The following SLC2A7 variants were observed in gnomAD, a reference collection of about 807,000 sequenced individuals.
The protein encoded by SLC2A7 is solute carrier family 2 member 7.
SLC2A7 carries 50 observed loss-of-function variants against 50.5 expected under a neutral mutation model. The ratio of observed to expected loss-of-function variants is 0.99; its 90% CI spans 0.79 to 1.25. The LOEUF is 1.25. Among genes scored for constraint, SLC2A7 ranks in the 50% most tolerant of loss-of-function variants. The probability of loss-of-function intolerance (pLI) is 0.00; values close to 1 mark genes in which losing one functional copy is unlikely to be tolerated. For missense variants in SLC2A7, 683 were observed against 679.1 expected (o/e 1.01, Z -0.06); for synonymous variants, 308 against 300.4 (o/e 1.03, Z -0.26).
At chr1:8,995,959 G>T in the SLC2A7 span, among the ~76,000 whole-genome samples, 61 of 152,186 alleles carry the variant, frequency 4.0e-4, no homozygotes, top group African/African-American at 1.4e-3. Flanking sequence ...GCAGAGACAA[G>T]GTCTCAACAT....
At chr1:8,994,388 G>A in the SLC2A7 span, among the ~76,000 whole-genome samples, 2 of 152,282 alleles carry the variant, frequency 1.3e-5, no homozygotes, top group South Asian at 4.1e-4. Context: ...AAACAATCTC[G>A]TATCTATGAG....
chr1:8,997,547 C>T, the SLC2A7 span, among the ~76,000 whole-genome samples: 1 of 151,970 alleles, frequency 6.6e-6, no homozygotes, highest in Non-Finnish European at 1.5e-5. Context: ...ATCATAGGTG[C>T]CCACCACCAA....
intron 1 of SLC2A7, 107 bp from the exon 2 acceptor site, chr1:9,025,181 G>T (rs1640978457): frequency 8.5e-7 from 1 of 1,170,294 alleles, no homozygotes; most frequent in South Asian, 1.3e-5. Flanking sequence ...GGGGGATGGG[G>T]GATCCCAGGC....
At chr1:8,997,097 T>C in the SLC2A7 span, among the ~76,000 whole-genome samples, 1 of 152,060 alleles carries the variant, frequency 6.6e-6, no homozygotes. Flanking sequence ...GATCTTTTCA[T>C]GTGCTTATTT....
In SLC2A7 at chr1:9,013,572, C is replaced by A; in HGVS notation, c.967G>T (p.Val323Leu). The change falls in exon 8 of 12, where the codon GTA (valine) becomes TTA (leucine). Residue 323 changes from valine (V) to leucine (L), a missense_variant. Physicochemically the swap from Val to Leu is conservative, Grantham distance 32 (BLOSUM62 1). Transcript: ENST00000400906. ...TTGACGACGCCAGAGCCCACCGTTA[C>A]ATATTGGGAGTGAGCGGCCTCCACG... is the stretch of plus-strand genomic sequence containing the variant. The part of the protein sequence containing the change: ...AGVEAAHSQY[V>L]TVGSGVVNIV... The A allele has an allele frequency of 6.2e-7, 1 of 1,614,088 alleles. No individual in the cohort carries two copies. The highest frequency in any genetic ancestry group is 8.5e-7 in the Non-Finnish European group (1 of 1,180,014).
rs1328669487 is a variant in SLC2A7, at chr1:9,008,434, G to A, written c.1117-1049C>T. Among the ~76,000 whole-genome samples, 1 of 152,180 alleles carries A rather than the reference G, an allele frequency of 6.6e-6. No individual in the cohort carries two copies. Among genetic ancestry groups the A allele is most frequent in the Non-Finnish European group, 1.5e-5 (1 of 68,030 alleles). Reference sequence around the variant, plus strand: ...CGGTGTGAAGCGAGCAGCTGCTGCTGCATTTTCAGGCAGAGCCCCTGGTTG... The same window carrying A: ...CGGTGTGAAGCGAGCAGCTGCTGCTACATTTTCAGGCAGAGCCCCTGGTTG... On this transcript the variant is annotated intron_variant, in intron 9 of 11. Transcript: ENST00000400906. The surrounding 1 kb of genome is among the most constrained non-coding windows in gnomAD (Gnocchi z 5.9).
At chr1:9,000,407 T>C (rs986987449), downstream of SLC2A7, among the ~76,000 whole-genome samples, 2 of 151,704 alleles carry the variant, frequency 1.3e-5, no homozygotes, top group African/African-American at 4.8e-5. Flanking sequence ...TCACCTGAGG[T>C]TGGGAGTTCA....
rs72632905 is a variant in SLC2A7, at chr1:9,009,872, T to C, written c.1116+271A>G. Among the ~76,000 whole-genome samples, 13,492 of 152,338 alleles carry C rather than the reference T, an allele frequency of 0.089. 785 individuals carry two copies. The highest frequency in any genetic ancestry group is 0.15 in the Admixed American group (2,368 of 15,294). On this transcript the variant is annotated intron_variant, in intron 9 of 11. Transcript: ENST00000400906. ...CCTTGCATTTACGCATTGAAGCACA[T>C]ATTTTATTGCAAACTGTCCTCCTTG...
At chr1:9,011,252 C>T (rs61785786) in intron 8 of SLC2A7, among the ~76,000 whole-genome samples, 18,272 of 152,258 alleles carry the variant, frequency 0.12, 2,644 homozygotes, top group African/African-American at 0.35. Flanking sequence ...TGGCGTGGAC[C>T]GCACCCTCCT....
intron 11 of SLC2A7, 37 bp downstream of exon 11, chr1:9,004,715 C>T (rs1640626916): frequency 6.2e-7 from 1 of 1,611,852 alleles, no homozygotes; most frequent in Middle Eastern, 1.7e-4. Flanking sequence ...TCCCTGGAGG[C>T]CCGGTGGAGC....
At chr1:9,022,558 G>T (rs1374408061) in intron 3 of SLC2A7, among the ~76,000 whole-genome samples, 2 of 152,068 alleles carry the variant, frequency 1.3e-5, no homozygotes, top group African/African-American at 4.8e-5. Flanking sequence ...TTAGAACTTG[G>T]AGCCATGGTC....
intron 4 of SLC2A7, among the ~76,000 whole-genome samples, chr1:9,018,775 G>C (rs1640869171): frequency 6.6e-6 from 1 of 152,232 alleles, no homozygotes; most frequent in Non-Finnish European, 1.5e-5. Flanking sequence ...AGAAACTACT[G>C]AGTTTAAATT....
downstream of SLC2A7, among the ~76,000 whole-genome samples, chr1:9,000,745 GGTGTGTGTGTGTGTGTGT>G (rs56985979): frequency 2.1e-5 from 3 of 142,092 alleles, no homozygotes; most frequent in Non-Finnish European, 4.6e-5. Flanking sequence ...TGACTTTCCT[GGTGTGTGTGTGTGTGTGT>G]GTGTGTGTGT....
At chr1:9,013,132 T>A (rs1640773413) in intron 8 of SLC2A7, among the ~76,000 whole-genome samples, 1 of 152,114 alleles carries the variant, frequency 6.6e-6, no homozygotes, top group Non-Finnish European at 1.5e-5. Context: ...CCTCAAGTCA[T>A]CCACCTGCCT....
chr1:8,993,528 G>A, the SLC2A7 span, among the ~76,000 whole-genome samples: 32 of 152,226 alleles, frequency 2.1e-4, no homozygotes, highest in Middle Eastern at 3.4e-3. Context: ...GAAACATTTC[G>A]GGCCACTGTA....
In SLC2A7 at chr1:9,007,308, AC is replaced by A. The variant is rs1640667798; in HGVS notation, c.1192+1del. The A allele has an allele frequency of 6.2e-7, 1 of 1,614,052 alleles. No individual in the cohort carries two copies. Among genetic ancestry groups the A allele is most frequent in the Admixed American group, 1.7e-5 (1 of 59,998 alleles). ...GGGCGAGGGAGGCGTGCAGGTACTC[AC>A]TGGGCCCAATGGAATGTCCCGCGAT... On this transcript the variant is annotated splice_donor_variant, in intron 10 of 11. Coordinates refer to ENST00000400906, the MANE Select transcript of SLC2A7 (RefSeq NM_207420.3). LOFTEE classifies it high-confidence loss of function.
intron 2 of SLC2A7, among the ~76,000 whole-genome samples, chr1:9,023,766 G>GA (rs113303957): frequency 1.4e-5 from 2 of 138,832 alleles, no homozygotes; most frequent in South Asian, 2.2e-4. Context: ...GAAAAGAAAA[G>GA]AAAAAAAAAA....
Position 9,007,472 on chromosome 1 carries a change from A to G in SLC2A7, c.1117-87T>C, listed in dbSNP as rs1430762168. On this transcript the variant is annotated intron_variant, in intron 9 of 11. Transcript: ENST00000400906. The stretch of plus-strand genomic sequence containing the variant: ...CCTGCGGGTCCCACCTTCCTGCCCC[A>G]GGGAGGAGCTGCACCTAGATGTCTG... 2.8e-5 allele frequency: 36 copies of G among 1,271,490 alleles called. No homozygotes were observed. The Admixed American group carries it at 6.6e-4, about 23-fold the overall frequency. The allele number at this position is 1,271,490 out of a possible 1,614,324, so 78.8% of individuals were successfully genotyped here. A position where few individuals can be genotyped will look rare whatever the true frequency, so the allele number is the denominator to read the frequency against.
At chr1:9,014,989 C>T in intron 6 of SLC2A7, 121 bp from the exon 7 acceptor site, 42 of 1,497,016 alleles carry the variant, frequency 2.8e-5, no homozygotes, top group Middle Eastern at 2.3e-4. Context: ...CCAGTTGCCA[C>T]CCCCCCACCC....
Sources: allele counts gnomAD v4.1 joint callset (sites outside exome capture counted in the v4.1 genomes callset), GRCh38; gene constraint gnomAD v4.1.1; non-coding constraint Gnocchi (gnomAD v3.1); transcripts MANE v1.5; gene names NCBI Gene and HGNC (gene_info 2026-07-23, HGNC 2026-07-21).